The following USP47 variants were observed in gnomAD, a reference collection of about 807,000 sequenced individuals.
USP47 encodes ubiquitin specific peptidase 47.
In USP47, 35 loss-of-function variants were observed where a neutral mutation model predicts 165.1. That is an observed-to-expected ratio of 0.21 (90% CI 0.16 to 0.28). The LOEUF (loss-of-function observed/expected upper bound fraction) is 0.28, where lower values mean the gene tolerates loss of function less well. USP47 is among the 10% of genes least tolerant of loss of function. The pLI, the probability that USP47 is intolerant of heterozygous loss-of-function variation, is 1.00. For missense variants in USP47, 1,277 were observed against 1,607.4 expected (o/e 0.79, Z 3.52); for synonymous variants, 531 against 544.5 (o/e 0.98, Z 0.35).
chr11:11,894,559 C>T (rs967079946), intron 4 of USP47, among the ~76,000 whole-genome samples: 1 of 152,194 alleles, frequency 6.6e-6, no homozygotes, highest in African/African-American at 2.4e-5. Context: ...TCTTATTATT[C>T]TGAGATAGCT....
intron 21 of USP47, 104 bp from the exon 22 acceptor site, chr11:11,948,374 A>C: frequency 1.0e-6 from 1 of 998,132 alleles, no homozygotes; most frequent in Non-Finnish European, 1.5e-6. Flanking sequence ...CTGTTCTCAG[A>C]GAGCCTATAA....
chr11:11,902,979 T>C, intron 6 of USP47, 119 bp downstream of exon 6: 4 of 1,120,560 alleles, frequency 3.6e-6, no homozygotes, highest in Non-Finnish European at 4.9e-6. Context: ...TGCAAGTTTG[T>C]TGTCATATAT....
chr11:11,878,568 T>A (rs1385087320), intron 1 of USP47: 1 of 152,122 alleles, frequency 6.6e-6, no homozygotes. Context: ...TGAAGGTTTT[T>A]TTATCTTTTT....
At chr11:11,893,978 T>G (rs1262848438) in intron 4 of USP47, among the ~76,000 whole-genome samples, 3 of 152,228 alleles carry the variant, frequency 2.0e-5, no homozygotes, top group Admixed American at 2.0e-4. Context: ...TGATTATGTT[T>G]GGTATTTAGG....
At chr11:11,945,441 A>G (rs1489911638) in intron 20 of USP47, among the ~76,000 whole-genome samples, 2 of 152,316 alleles carry the variant, frequency 1.3e-5, no homozygotes, top group African/African-American at 2.4e-5. Context: ...TGTACTTAAA[A>G]TGATGGTCCT....
At chr11:11,899,146 A>T (rs1852032663) in intron 5 of USP47, among the ~76,000 whole-genome samples, 1 of 152,128 alleles carries the variant, frequency 6.6e-6, no homozygotes, top group African/African-American at 2.4e-5. Context: ...GCATAACCAG[A>T]GTTTTGTCAG....
intron 1 of USP47, among the ~76,000 whole-genome samples, chr11:11,868,587 C>G (rs1039451478): frequency 2.0e-5 from 3 of 152,094 alleles, no homozygotes; most frequent in Non-Finnish European, 4.4e-5. Flanking sequence ...GTAAGTAAAG[C>G]TGCTATAAGC....
chr11:11,952,797 C>G lies in USP47; in HGVS notation c.3640C>G (p.Pro1214Ala). 1 of 1,612,622 alleles carries G rather than the reference C, an allele frequency of 6.2e-7. No homozygotes were observed. Among genetic ancestry groups the G allele is most frequent in the Non-Finnish European group, 8.5e-7 (1 of 1,179,212 alleles). Reference sequence around the variant, plus strand: ...TGCAGTTTTGTCAAGACGGTGGAAGCCTTCAGAGATGAAGTTGGATCCCTT... The same window carrying G: ...TGCAGTTTTGTCAAGACGGTGGAAGGCTTCAGAGATGAAGTTGGATCCCTT... ...QLAVLSRRWKPSEMKLDPFQE... is the reference protein window; with the variant it reads ...QLAVLSRRWKASEMKLDPFQE... The change falls in exon 25 of 28, where the codon CCT becomes GCT. Residue 1214 changes from proline to alanine, a missense_variant. By Grantham distance (27) the Pro-to-Ala change is conservative. Transcript: ENST00000527733.
At chr11:11,844,032 A>G (rs1848291339) in intron 1 of USP47, among the ~76,000 whole-genome samples, 1 of 152,080 alleles carries the variant, frequency 6.6e-6, no homozygotes, top group Non-Finnish European at 1.5e-5. Flanking sequence ...ATAGCTAGCC[A>G]ACTAGCTTTT....
rs1369450009 is a variant in USP47 at position 11,930,801 on chromosome 11, T to G, written c.1651+50T>G. 1.0e-5 allele frequency: 15 copies of G among 1,497,210 alleles called. No individual in the cohort carries two copies. The Middle Eastern group carries it at 7.0e-4, about 70-fold the overall frequency. The allele number at this position is 1,497,210 out of a possible 1,614,324, so 92.7% of individuals were successfully genotyped here. A position where few individuals can be genotyped will look rare whatever the true frequency, so the allele number is the denominator to read the frequency against. ...TTTTAATTTGTGTTATAAACTAATT[T>G]CTTTTGTAAGTTTGCAAACCCAGAT... On this transcript the variant is annotated intron_variant, in intron 14 of 27. Coordinates refer to ENST00000527733, the MANE Select transcript of USP47 (RefSeq NM_001282659.2).
At chr11:11,929,669 C>A in intron 12 of USP47, 104 bp downstream of exon 12, 1 of 1,418,678 alleles carries the variant, frequency 7.0e-7, no homozygotes, top group Middle Eastern at 1.8e-4. Context: ...TCTAGTGATA[C>A]ATCTTAAGAC....
intron 4 of USP47, among the ~76,000 whole-genome samples, chr11:11,896,082 G>A (rs1851826159): frequency 6.6e-6 from 1 of 152,130 alleles, no homozygotes; most frequent in Admixed American, 6.5e-5. Context: ...TTGGAAAATA[G>A]TACATTTATG....
rs186581667 is a variant in USP47 at position 11,895,422 on chromosome 11, A to G, written c.497-2175A>G. Among the ~76,000 whole-genome samples, 167 of 152,290 alleles carry G rather than the reference A, an allele frequency of 1.1e-3. 1 individual carries two copies. The highest frequency in any genetic ancestry group is 1.7e-3 in the Non-Finnish European group (115 of 68,028). On this transcript the variant is annotated intron_variant, in intron 4 of 27. Coordinates refer to ENST00000527733, the MANE Select transcript of USP47 (RefSeq NM_001282659.2). ...TTATCAGGGGTTGTGTTCAGAAATT[A>G]TTGTATCAGATAAAATTATTTAATC...
Position 11,958,371 on chromosome 11 carries a change from C to T in USP47, c.*2196C>T, listed in dbSNP as rs569748655. ...AAAAGAAAAAATTAAAAGCTTCTTG[C>T]TTTTCAGTGCCTGATAGAGTGAAAA... is the stretch of plus-strand genomic sequence containing the variant. On this transcript the variant is annotated 3_prime_UTR_variant, in exon 28 of 28. Coordinates refer to ENST00000527733, the MANE Select transcript of USP47 (RefSeq NM_001282659.2). 1 of 152,330 alleles carries T rather than the reference C, an allele frequency of 6.6e-6. No individual in the cohort carries two copies. The highest frequency in any genetic ancestry group is 2.1e-4 in the South Asian group (1 of 4,824). The allele number at this position is 152,330 out of a possible 1,614,324, so 9.4% of individuals were successfully genotyped here.
intron 10 of USP47, 115 bp downstream of exon 10, chr11:11,920,609 A>T: frequency 1.1e-6 from 1 of 942,618 alleles, no homozygotes; most frequent in Non-Finnish European, 1.4e-6. Flanking sequence ...TTCTTGATGG[A>T]AACTTTTTCT....
At chr11:11,886,728 C>T (rs1851187684) in intron 3 of USP47, among the ~76,000 whole-genome samples, 1 of 152,106 alleles carries the variant, frequency 6.6e-6, no homozygotes, top group African/African-American at 2.4e-5. Flanking sequence ...CATTCAAATT[C>T]AGGAAATGCA....
At position 11,948,557 on chromosome 11, in the gene USP47, A is replaced by G; in HGVS notation, c.3347A>G (p.Glu1116Gly). 1.2e-6 allele frequency: 2 copies of G among 1,605,490 alleles called. No individual in the cohort carries two copies. The highest frequency in any genetic ancestry group is 1.7e-6 in the Non-Finnish European group (2 of 1,172,532). ...TACCAGCTTTTGGTCAATGAACAAG[A>G]GGTAAGTAATACGTTTAAGAATAAT... ...KVYQLLVNEQ[E>G]PCKFLLDAVF... Residue 1116 changes from glutamate (E) to glycine (G), a missense_variant and splice_region_variant, in exon 22 of 28, where the codon GAG becomes GGG. Glu to Gly is a moderately conservative substitution (Grantham distance 98). Coordinates refer to ENST00000527733, the MANE Select transcript of USP47 (RefSeq NM_001282659.2).
chr11:11,876,420 G>A (rs569031110), intron 1 of USP47, among the ~76,000 whole-genome samples: 9 of 152,260 alleles, frequency 5.9e-5, no homozygotes, highest in East Asian at 5.8e-4. Flanking sequence ...GGATGTGCTC[G>A]AAGGTGTTTA....
At chr11:11,926,956 G>A (rs568807855) in intron 11 of USP47, among the ~76,000 whole-genome samples, 15 of 151,014 alleles carry the variant, frequency 9.9e-5, no homozygotes, top group South Asian at 8.5e-4. Flanking sequence ...TGACCCATTG[G>A]TTGTTCAAGA....
Sources: gnomAD v4.1 joint callset for allele counts (sites outside exome capture counted in the v4.1 genomes callset) on GRCh38, gnomAD v4.1.1 for gene constraint, MANE v1.5 for transcripts, NCBI Gene and HGNC (gene_info 2026-07-23, HGNC 2026-07-21) for gene names.